Variants in ROR1 observed in about 807,000 individuals in gnomAD.
The protein encoded by ROR1 is ROR family WNT receptor 1, also known as inactive tyrosine-protein kinase transmembrane receptor ROR1.
A neutral mutation model predicts 78.8 loss-of-function variants in ROR1; 19 were observed. The observed-to-expected ratio is 0.24, with a 90% confidence interval of 0.17 to 0.35. ROR1 has a LOEUF of 0.35. ROR1 is among the 10% of genes least tolerant of loss of function. ROR1 has a pLI of 1.00. For missense variants in ROR1, 917 were observed against 1,177.8 expected, an observed-to-expected ratio of 0.78 and a Z score of 3.24; for synonymous variants, 386 against 433.6, an observed-to-expected ratio of 0.89 and a Z score of 1.36.
At chr1:63,902,946 A>G (rs1210410520) in intron 1 of ROR1, among the ~76,000 whole-genome samples, 1 of 152,150 alleles carries the variant, frequency 6.6e-6, no homozygotes, top group Non-Finnish European at 1.5e-5. Flanking sequence ...TGTTCTTGTT[A>G]GAAGAATGAG....
chr1:64,000,497 A>T (rs961328573), intron 1 of ROR1, among the ~76,000 whole-genome samples: 5 of 152,218 alleles, frequency 3.3e-5, no homozygotes, highest in African/African-American at 1.2e-4. Context: ...CTTGGGGAAA[A>T]GCAAGATATG....
At chr1:63,927,959 C>CCTT (rs770352016) in intron 1 of ROR1, among the ~76,000 whole-genome samples, 3 of 134,202 alleles carry the variant, frequency 2.2e-5, no homozygotes, top group Admixed American at 7.8e-5. Context: ...AAGGGGTTCC[C>CCTT]TTTTTTTTTT....
intron 1 of ROR1, among the ~76,000 whole-genome samples, chr1:64,002,037 C>A (rs575974522): frequency 6.6e-6 from 1 of 151,958 alleles, no homozygotes; most frequent in Admixed American, 6.6e-5. Context: ...TTATTGTTAA[C>A]CCCATCACGC....
intron 1 of ROR1, among the ~76,000 whole-genome samples, chr1:63,916,820 A>G (rs1007800815): frequency 6.6e-6 from 1 of 152,174 alleles, no homozygotes; most frequent in Admixed American, 6.5e-5. Flanking sequence ...CCTGCATTGA[A>G]GTTACTCACT....
At chr1:64,165,543 T>C (rs1650062457) in intron 8 of ROR1, among the ~76,000 whole-genome samples, 1 of 152,166 alleles carries the variant, frequency 6.6e-6, no homozygotes, top group Admixed American at 6.5e-5. Flanking sequence ...TTTCTTTTGC[T>C]GTGCAGAAAC....
At chr1:64,122,183 T>G (rs907699726) in intron 4 of ROR1, among the ~76,000 whole-genome samples, 1 of 152,208 alleles carries the variant, frequency 6.6e-6, no homozygotes, top group Non-Finnish European at 1.5e-5. Flanking sequence ...AGCTAGCTTA[T>G]GAGTCAGGTT....
intron 1 of ROR1, among the ~76,000 whole-genome samples, chr1:63,904,651 G>A (rs1236286544): frequency 6.6e-6 from 1 of 152,166 alleles, no homozygotes; most frequent in Non-Finnish European, 1.5e-5. Context: ...CTGTTAAACA[G>A]ATTAAGTTAA....
At chr1:63,854,839 C>T (rs1246967106) in intron 1 of ROR1, among the ~76,000 whole-genome samples, 4 of 152,176 alleles carry the variant, frequency 2.6e-5, no homozygotes, top group African/African-American at 9.6e-5. Flanking sequence ...ATGCTCAAGT[C>T]TCTGATATAA....
In ROR1 at chr1:64,047,089, G is replaced by C. The variant is rs540976559; in HGVS notation, c.164-2602G>C. Among the ~76,000 whole-genome samples the C allele has an allele frequency of 2.0e-5, 3 of 152,302 alleles. No individual in the cohort carries two copies. In the South Asian group the frequency reaches 6.2e-4, roughly 32 times the overall value. ...TGATGGAAGCTTTGGGCAGTTTCCT[G>C]AGTAACCATGGGGCAAGTCTGCTAA... On this transcript the variant is annotated intron_variant, in intron 2 of 8. Coordinates refer to ENST00000371079, the MANE Select transcript of ROR1 (RefSeq NM_005012.4).
At chr1:63,916,578 G>A (rs1008710779) in intron 1 of ROR1, among the ~76,000 whole-genome samples, 9 of 152,176 alleles carry the variant, frequency 5.9e-5, no homozygotes, top group African/African-American at 2.2e-4. Context: ...TTTGAACATT[G>A]TGCCAGTGTA....
At chr1:63,785,578 A>AGT (rs1196197542) in intron 1 of ROR1, among the ~76,000 whole-genome samples, 5 of 151,478 alleles carry the variant, frequency 3.3e-5, no homozygotes, top group Non-Finnish European at 7.4e-5. Flanking sequence ...GCTGGAGTGC[A>AGT]GTGGCACGAT....
chr1:64,103,945 G>T (rs1468360408), intron 4 of ROR1, among the ~76,000 whole-genome samples: 1 of 152,038 alleles, frequency 6.6e-6, no homozygotes, highest in East Asian at 1.9e-4. Flanking sequence ...AACATTTTTG[G>T]TTATCACAAC....
At chr1:63,979,188 T>A (rs1434553167) in intron 1 of ROR1, among the ~76,000 whole-genome samples, 1 of 152,134 alleles carries the variant, frequency 6.6e-6, no homozygotes, top group Non-Finnish European at 1.5e-5. Flanking sequence ...CCCAGCCAAG[T>A]TGATGCATAA....
At chr1:63,865,206 T>G (rs1645207736) in intron 1 of ROR1, among the ~76,000 whole-genome samples, 1 of 152,230 alleles carries the variant, frequency 6.6e-6, no homozygotes, top group Non-Finnish European at 1.5e-5. Context: ...TGTTTGGTCC[T>G]AGTCTTTATA....
In ROR1 at chr1:64,178,660, A is replaced by C. The variant is rs754253362; in HGVS notation, c.2619A>C (p.Ser873=). The C allele has an allele frequency of 3.7e-6, 6 of 1,614,174 alleles. No individual in the cohort carries two copies. The highest frequency in any genetic ancestry group is 5.1e-6 in the Non-Finnish European group (6 of 1,180,040). Residue 873 remains serine (S), a synonymous_variant, in exon 9 of 9, where the codon TCA becomes TCC. Coordinates refer to ENST00000371079, the MANE Select transcript of ROR1 (RefSeq NM_005012.4). The surrounding 1 kb of genome is among the most constrained non-coding windows in gnomAD (Gnocchi z 4.3). ...CTGGCCATGTGACTAGCTTGCCCTC[A>C]TCAGGATCCAATCAGGAAGCAAATA... ...TSTGHVTSLP[S]SGSNQEANIP...
intron 1 of ROR1, among the ~76,000 whole-genome samples, chr1:63,962,040 C>T (rs985663730): frequency 6.6e-6 from 1 of 151,992 alleles, no homozygotes; most frequent in African/African-American, 2.4e-5. Context: ...CAGGAGGATC[C>T]GTTGAGCCCA....
intron 1 of ROR1, among the ~76,000 whole-genome samples, chr1:63,873,840 T>A (rs1287909488): frequency 6.6e-6 from 1 of 152,118 alleles, no homozygotes; most frequent in East Asian, 1.9e-4. Flanking sequence ...CCCATTGCAG[T>A]GGGTTTGATT....
chr1:63,910,863 G>T (rs58059135), intron 1 of ROR1, among the ~76,000 whole-genome samples: 5,086 of 152,290 alleles, frequency 0.033, 289 homozygotes, highest in African/African-American at 0.12. Context: ...GCAGTGGGTT[G>T]AAGAGTGATG....
chr1:63,780,165 C>T (rs745703620), intron 1 of ROR1, among the ~76,000 whole-genome samples: 1 of 151,714 alleles, frequency 6.6e-6, no homozygotes, highest in Admixed American at 6.6e-5. Flanking sequence ...TCCATAGAAC[C>T]ATAGATTTTT....
Sources: gnomAD v4.1 joint callset for allele counts (sites outside exome capture counted in the v4.1 genomes callset) on GRCh38, gnomAD v4.1.1 for gene constraint, Gnocchi (gnomAD v3.1) non-coding constraint, MANE v1.5 for transcripts, NCBI Gene and HGNC (gene_info 2026-07-23, HGNC 2026-07-21) for gene names.